Variants in MAP2K1 observed in about 807,000 individuals in gnomAD.
MAP2K1 encodes the protein dual specificity mitogen-activated protein kinase kinase 1.
Under a neutral mutation model 46.3 loss-of-function variants are expected in MAP2K1, and 16 were observed. That is an observed-to-expected ratio of 0.35 (90% CI 0.23 to 0.52). MAP2K1 has a LOEUF of 0.52. Ranked by LOEUF, MAP2K1 falls within the 20% of genes least tolerant of loss-of-function variation. The pLI is 0.94. For missense variants in MAP2K1, 263 were observed against 497.1 expected, an observed-to-expected ratio of 0.53 and a Z score of 4.48; for synonymous variants, 183 against 185.6, an observed-to-expected ratio of 0.99 and a Z score of 0.11.
chr15:66,429,026 C>T (rs375777982), intron 1 of MAP2K1, among the ~76,000 whole-genome samples: 1 of 151,906 alleles, frequency 6.6e-6, no homozygotes. Context: ...GTGATCCTCC[C>T]GCCTCGGCCT....
At chr15:66,458,726 GC>G (rs1892236377) in intron 5 of MAP2K1, among the ~76,000 whole-genome samples, 1 of 152,076 alleles carries the variant, frequency 6.6e-6, no homozygotes, top group Admixed American at 6.5e-5. Flanking sequence ...TCTCTCTGTT[GC>G]CCAGGTTGGT....
intron 1 of MAP2K1, among the ~76,000 whole-genome samples, chr15:66,429,350 ACT>A (rs34448293): frequency 0.056 from 8,571 of 152,178 alleles, 342 homozygotes; most frequent in Middle Eastern, 0.11. Flanking sequence ...GAATTCACTC[ACT>A]GTCACAGGAA....
chr15:66,399,080 T>C (rs746722641), intron 1 of MAP2K1, among the ~76,000 whole-genome samples: 2 of 152,134 alleles, frequency 1.3e-5, no homozygotes, highest in Non-Finnish European at 2.9e-5. Flanking sequence ...GCTGTATTGC[T>C]AAATTTTTAA....
At chr15:66,453,393 A>G in intron 5 of MAP2K1, 2 of 681,380 alleles carry the variant, frequency 2.9e-6, no homozygotes, top group Non-Finnish European at 2.7e-6. Flanking sequence ...GGAAGTCACT[A>G]GAAGGACTTC....
At position 66,452,166 on chromosome 15, in the gene MAP2K1, T is replaced by C. The variant is rs868261849; in HGVS notation, c.568+7459T>C. ...GTCGGGGGAGGGGGGAGGGATAGCA[T>C]TGGGAGATATACCCAATGCTAGATG... On this transcript the variant is annotated intron_variant, in intron 5 of 10. Coordinates refer to ENST00000307102, the MANE Select transcript of MAP2K1 (RefSeq NM_002755.4). 6.5e-3 allele frequency among the ~76,000 whole-genome samples: 849 copies of C among 130,374 alleles called. 10 individuals carry two copies. Among genetic ancestry groups the C allele is most frequent in the African/African-American group, 0.023 (796 of 35,118 alleles). The allele number at this position is 130,374 out of a possible 152,430, so 85.5% of individuals were successfully genotyped here. A position where few individuals can be genotyped will look rare whatever the true frequency, so the allele number is the denominator to read the frequency against.
intron 1 of MAP2K1, among the ~76,000 whole-genome samples, chr15:66,395,569 C>T (rs2093365587): frequency 7.9e-6 from 1 of 126,672 alleles, no homozygotes; most frequent in South Asian, 2.6e-4. Flanking sequence ...CACTTTCTTG[C>T]ATGATTTTTT....
chr15:66,455,597 A>G (rs902851189), intron 5 of MAP2K1, among the ~76,000 whole-genome samples: 1 of 152,162 alleles, frequency 6.6e-6, no homozygotes, highest in Non-Finnish European at 1.5e-5. Flanking sequence ...TTTTTCAGTT[A>G]TCTTTCTTCA....
rs1398067924 is a variant in MAP2K1, at chr15:66,423,534, A to G, written c.81-11493A>G. On this transcript the variant is annotated intron_variant, in intron 1 of 10. Coordinates refer to ENST00000307102, the MANE Select transcript of MAP2K1 (RefSeq NM_002755.4). ...GGTTCACTGCAACCTCCCTCCCGGT[A>G]TTAAGCAATTCTTCTGCCTTAGCCT... is the stretch of plus-strand genomic sequence containing the variant. 2.0e-5 allele frequency among the ~76,000 whole-genome samples: 3 copies of G among 147,422 alleles called. No individual in the cohort carries two copies. In the East Asian group the frequency reaches 6.0e-4, roughly 29 times the overall value.
At chr15:66,449,705 AC>A (rs1023667873) in intron 5 of MAP2K1, among the ~76,000 whole-genome samples, 1 of 151,960 alleles carries the variant, frequency 6.6e-6, no homozygotes, top group African/African-American at 2.4e-5. Flanking sequence ...ACATGGTGAA[AC>A]CCCCGTCTAC....
intron 5 of MAP2K1, among the ~76,000 whole-genome samples, chr15:66,478,740 G>A (rs1432621098): frequency 6.6e-6 from 1 of 152,018 alleles, no homozygotes; most frequent in African/African-American, 2.4e-5. Context: ...GCCTCCCAAA[G>A]TGCTGGGGTT....
At position 66,490,742 on chromosome 15, in the gene MAP2K1, G is replaced by C. The variant is rs771988141; in HGVS notation, c.*127G>C. ...CCTGTGACAAAGGATGAAGAACACA[G>C]CATGTGCCAAGATTCTACTCTTGTC... is the stretch of plus-strand genomic sequence containing the variant. On this transcript the variant is annotated 3_prime_UTR_variant, in exon 11 of 11. Coordinates refer to ENST00000307102, the MANE Select transcript of MAP2K1 (RefSeq NM_002755.4). 1 of 744,126 alleles carries C rather than the reference G, an allele frequency of 1.3e-6. No homozygotes were observed. Among genetic ancestry groups the C allele is most frequent in the Non-Finnish European group, 2.4e-6 (1 of 409,294 alleles). The allele number at this position is 744,126 out of a possible 1,614,324, so 46.1% of individuals were successfully genotyped here.
At chr15:66,478,251 T>A (rs1892807386) in intron 5 of MAP2K1, among the ~76,000 whole-genome samples, 1 of 146,262 alleles carries the variant, frequency 6.8e-6, no homozygotes, top group African/African-American at 2.5e-5. Context: ...TATATATATA[T>A]AAAAATCTGT....
chr15:66,484,444 C>T (rs111929562), intron 6 of MAP2K1, among the ~76,000 whole-genome samples: 2,041 of 152,244 alleles, frequency 0.013, 37 homozygotes, highest in African/African-American at 0.046. Context: ...CACTGCGTCC[C>T]GGCCCAGCAG....
At chr15:66,428,876 C>G (rs926599281) in intron 1 of MAP2K1, among the ~76,000 whole-genome samples, 3 of 146,706 alleles carry the variant, frequency 2.0e-5, no homozygotes, top group African/African-American at 7.6e-5. Context: ...GCCTCCCAGG[C>G]TCTGGTAATT....
At chr15:66,389,547 A>G (rs1415210354) in intron 1 of MAP2K1, among the ~76,000 whole-genome samples, 1 of 150,350 alleles carries the variant, frequency 6.7e-6, no homozygotes, top group Non-Finnish European at 1.5e-5. Flanking sequence ...GAGTCAGGCT[A>G]AGTTTGAAGC....
intron 1 of MAP2K1, among the ~76,000 whole-genome samples, chr15:66,413,475 A>G (rs911692825): frequency 6.6e-6 from 1 of 152,224 alleles, no homozygotes; most frequent in Admixed American, 6.5e-5. Context: ...CCCTGTGTCT[A>G]CCTGTTCATA....
intron 1 of MAP2K1, among the ~76,000 whole-genome samples, chr15:66,413,216 G>T (rs1442944124): frequency 6.6e-6 from 1 of 152,110 alleles, no homozygotes; most frequent in Non-Finnish European, 1.5e-5. Flanking sequence ...ATTTTTAGAA[G>T]CTAGGATGTC....
At chr15:66,420,166 C>T (rs192517669) in intron 1 of MAP2K1, among the ~76,000 whole-genome samples, 179 of 152,252 alleles carry the variant, frequency 1.2e-3, no homozygotes, top group Middle Eastern at 3.4e-3. Context: ...ATCACTTGAA[C>T]CGGGGAGGCG....
intron 5 of MAP2K1, among the ~76,000 whole-genome samples, chr15:66,477,361 G>T (rs988114588): frequency 6.6e-6 from 1 of 152,194 alleles, no homozygotes; most frequent in African/African-American, 2.4e-5. Context: ...GGACTGGGTG[G>T]AGGAGACTGT....
Sources: allele counts gnomAD v4.1 joint callset (sites outside exome capture counted in the v4.1 genomes callset), GRCh38; gene constraint gnomAD v4.1.1; transcripts MANE v1.5; gene names NCBI Gene and HGNC (gene_info 2026-07-23, HGNC 2026-07-21).